MYO5A: variants seen among roughly 807,000 people sequenced by gnomAD.
MYO5A encodes unconventional myosin-Va.
In MYO5A, 98 loss-of-function variants were observed where a neutral mutation model predicts 249.7. That is an observed-to-expected ratio of 0.39 (90% CI 0.33 to 0.46). MYO5A has a LOEUF of 0.46. MYO5A is among the 20% of genes least tolerant of loss of function. The probability of loss-of-function intolerance (pLI) is 0.98; values close to 1 mark genes in which losing one functional copy is unlikely to be tolerated. For synonymous variants in MYO5A, 778 were observed against 810.6 expected (o/e 0.96, Z 0.68); for missense variants, 1,696 against 2,308.8 (o/e 0.73, Z 5.44).
intron 1 of MYO5A, among the ~76,000 whole-genome samples, chr15:52,462,682 T>A (rs934042208): frequency 4.0e-4 from 60 of 151,818 alleles, no homozygotes; most frequent in African/African-American, 1.3e-3. Context: ...ACCCCATCTC[T>A]ACTAAAAATA....
intron 9 of MYO5A, among the ~76,000 whole-genome samples, chr15:52,404,497 T>C (rs529168043): frequency 6.6e-6 from 1 of 152,172 alleles, no homozygotes; most frequent in Admixed American, 6.5e-5. Context: ...TAAACACCAT[T>C]TAAATTAAGG....
chr15:52,348,933 T>C, intron 28 of MYO5A, 107 bp from the exon 29 acceptor site: 4 of 1,210,466 alleles, frequency 3.3e-6, no homozygotes, highest in South Asian at 1.4e-5. Context: ...TAAAAGCTAA[T>C]TTAAAAACAG....
chr15:52,446,335 C>T (rs1296914082), intron 1 of MYO5A, among the ~76,000 whole-genome samples: 1 of 152,260 alleles, frequency 6.6e-6, no homozygotes, highest in East Asian at 1.9e-4. Context: ...GAATGCAAGC[C>T]ATAAAGCTTA....
intron 34 of MYO5A, among the ~76,000 whole-genome samples, chr15:52,335,496 A>T (rs777688118): frequency 7.0e-6 from 1 of 142,492 alleles, no homozygotes; most frequent in Non-Finnish European, 1.5e-5. Context: ...AGCCTCAGCG[A>T]CAGAGCAAGA....
chr15:52,342,030 A>G (rs548310611), intron 31 of MYO5A, among the ~76,000 whole-genome samples: 1 of 108,140 alleles, frequency 9.2e-6, no homozygotes, highest in South Asian at 2.4e-4. Flanking sequence ...CAAATCATGC[A>G]TTTCATCTTG....
At chr15:52,394,796 A>T (rs991977260) in intron 11 of MYO5A, among the ~76,000 whole-genome samples, 4 of 152,086 alleles carry the variant, frequency 2.6e-5, no homozygotes, top group Non-Finnish European at 5.9e-5. Flanking sequence ...AGGCTGTGGC[A>T]TTAACTAAAG....
intron 18 of MYO5A, among the ~76,000 whole-genome samples, chr15:52,376,967 T>A (rs1424875897): frequency 6.6e-6 from 1 of 152,084 alleles, no homozygotes; most frequent in Non-Finnish European, 1.5e-5. Flanking sequence ...AAAACACCAG[T>A]GTGAAGAATA....
intron 1 of MYO5A, among the ~76,000 whole-genome samples, chr15:52,509,744 GC>G (rs1247374932): frequency 6.6e-6 from 1 of 152,218 alleles, no homozygotes; most frequent in Non-Finnish European, 1.5e-5. Context: ...AGAGAGAGCA[GC>G]CTCAAGAGGA....
chr15:52,484,634 C>T (rs72738533), intron 1 of MYO5A, among the ~76,000 whole-genome samples: 3,932 of 152,242 alleles, frequency 0.026, 64 homozygotes, highest in Non-Finnish European at 0.04. Context: ...CAAATGTTTT[C>T]TGATTTCAAT....
At chr15:52,350,578 G>C (rs80093256) in intron 28 of MYO5A, among the ~76,000 whole-genome samples, 1,658 of 152,282 alleles carry the variant, frequency 0.011, 23 homozygotes, top group African/African-American at 0.038. Context: ...CAGGGAGGCA[G>C]GCCAGGTTTT....
At chr15:52,486,565 A>C (rs555706532) in intron 1 of MYO5A, among the ~76,000 whole-genome samples, 1 of 152,292 alleles carries the variant, frequency 6.6e-6, no homozygotes, top group African/African-American at 2.4e-5. Context: ...AAATTCTAGA[A>C]ATCAGACTTT....
chr15:52,336,675 G>T (rs1195034347), intron 33 of MYO5A, 119 bp from the exon 34 acceptor site: 1 of 779,302 alleles, frequency 1.3e-6, no homozygotes, highest in Non-Finnish European at 2.1e-6. Context: ...AGAGCTCATT[G>T]GTGGAGCCAC....
intron 4 of MYO5A, among the ~76,000 whole-genome samples, chr15:52,420,292 G>A (rs752486029): frequency 5.7e-5 from 8 of 139,682 alleles, no homozygotes; most frequent in South Asian, 2.6e-4. Context: ...GTGACATAGT[G>A]AGACCCTGTA....
chr15:52,516,240 T>A (rs2077493248), intron 1 of MYO5A, among the ~76,000 whole-genome samples: 1 of 152,150 alleles, frequency 6.6e-6, no homozygotes, highest in Admixed American at 6.5e-5. Context: ...TTCAGGACCC[T>A]GGGAGGGTTG....
At chr15:52,360,185 T>G (rs2040446502) in intron 24 of MYO5A, 104 bp from the exon 25 acceptor site, 1 of 766,806 alleles carries the variant, frequency 1.3e-6, no homozygotes, top group Non-Finnish European at 2.3e-6. Context: ...CTTCCTGACT[T>G]GTATTGGTGC....
Position 52,383,018 on chromosome 15 carries a change from T to C in MYO5A, c.2012+73A>G, listed in dbSNP as rs1334479729. ...TCCTTATAAAAATGTAAGGAAAATA[T>C]TAGTTTGCTTGGCTGGTTTGGCACT... On this transcript the variant is annotated intron_variant, in intron 16 of 41. Coordinates refer to ENST00000399233, the MANE Select transcript of MYO5A (RefSeq NM_001382347.1). 11 of 1,278,182 alleles carry C rather than the reference T, an allele frequency of 8.6e-6. No individual in the cohort carries two copies. In the South Asian group the frequency reaches 9.5e-5, roughly 11 times the overall value. The allele number at this position is 1,278,182 out of a possible 1,614,324, so 79.2% of individuals were successfully genotyped here.
chr15:52,409,965 AT>A (rs1236836590), intron 6 of MYO5A, among the ~76,000 whole-genome samples: 1 of 151,992 alleles, frequency 6.6e-6, no homozygotes, highest in African/African-American at 2.4e-5. Flanking sequence ...GGACAAGATA[AT>A]TTTTTTTCTT....
intron 24 of MYO5A, among the ~76,000 whole-genome samples, chr15:52,362,766 C>T (rs1311089734): frequency 6.6e-6 from 1 of 152,134 alleles, no homozygotes; most frequent in Non-Finnish European, 1.5e-5. Flanking sequence ...AAGGAGGAGC[C>T]GTGTCAAGCT....
At chr15:52,415,152 A>C (rs1480809003) in intron 5 of MYO5A, among the ~76,000 whole-genome samples, 1 of 152,216 alleles carries the variant, frequency 6.6e-6, no homozygotes, top group Non-Finnish European at 1.5e-5. Context: ...CTTGTACCAC[A>C]GGTGCACCAG....
Sources: gnomAD v4.1 joint callset for allele counts (sites outside exome capture counted in the v4.1 genomes callset) on GRCh38, gnomAD v4.1.1 for gene constraint, MANE v1.5 for transcripts, NCBI Gene and HGNC (gene_info 2026-07-23, HGNC 2026-07-21) for gene names.